The following TMEFF2 variants were observed in gnomAD, a reference collection of about 807,000 sequenced individuals.
TMEFF2 encodes the protein tomoregulin-2.
In TMEFF2, 28 loss-of-function variants were observed where a neutral mutation model predicts 53.8. The ratio of observed to expected loss-of-function variants is 0.52; its 90% CI spans 0.39 to 0.71. The LOEUF is 0.71. Among genes scored for constraint, TMEFF2 ranks in the 30% least tolerant of loss-of-function variants. The pLI is 0.00. For missense variants in TMEFF2, 353 were observed against 455.2 expected, an observed-to-expected ratio of 0.78 and a Z score of 2.04; for synonymous variants, 162 against 166.3, an observed-to-expected ratio of 0.97 and a Z score of 0.20.
chr2:192,144,393 G>A (rs1307053676), intron 4 of TMEFF2, among the ~76,000 whole-genome samples: 1 of 151,936 alleles, frequency 6.6e-6, no homozygotes, highest in East Asian at 1.9e-4. Context: ...TCATCTTCTA[G>A]TCTCATCCAG....
chr2:192,111,818 G>T (rs1169858548), intron 4 of TMEFF2, among the ~76,000 whole-genome samples: 1 of 152,154 alleles, frequency 6.6e-6, no homozygotes, highest in African/African-American at 2.4e-5. Flanking sequence ...GGTGCTCTGT[G>T]TCCCAGCAAC....
intron 4 of TMEFF2, among the ~76,000 whole-genome samples, chr2:192,133,532 C>T (rs1332566049): frequency 6.6e-6 from 1 of 152,202 alleles, no homozygotes; most frequent in Non-Finnish European, 1.5e-5. Context: ...ACCAGACAAG[C>T]CTTACAAGTT....
intron 4 of TMEFF2, among the ~76,000 whole-genome samples, chr2:192,061,508 G>C (rs3891991): frequency 0.44 from 66,381 of 152,056 alleles, 15,531 homozygotes; most frequent in South Asian, 0.58. Flanking sequence ...ATAGGATACA[G>C]CACTTTATAT....
chr2:192,113,552 G>A (rs944369303), intron 4 of TMEFF2, among the ~76,000 whole-genome samples: 2 of 151,994 alleles, frequency 1.3e-5, no homozygotes. Flanking sequence ...GAAATAATGT[G>A]GAATAAACAT....
intron 4 of TMEFF2, among the ~76,000 whole-genome samples, chr2:192,111,168 G>A (rs1373393906): frequency 1.3e-5 from 2 of 152,104 alleles, no homozygotes; most frequent in African/African-American, 4.8e-5. Flanking sequence ...ATGTGAAAGC[G>A]ACTTTGGAAC....
chr2:191,956,201 A>T, intron 8 of TMEFF2, 54 bp downstream of exon 8: 10 of 1,521,028 alleles, frequency 6.6e-6, no homozygotes, highest in Non-Finnish European at 8.8e-6. Context: ...TCTACAATTT[A>T]GTTTCTACAT....
At chr2:192,130,342 A>G (rs1689786400) in intron 4 of TMEFF2, among the ~76,000 whole-genome samples, 1 of 152,064 alleles carries the variant, frequency 6.6e-6, no homozygotes, top group Admixed American at 6.6e-5. Flanking sequence ...CATAATTTTT[A>G]GATGAAAATT....
intron 4 of TMEFF2, among the ~76,000 whole-genome samples, chr2:192,063,976 C>T (rs1224867669): frequency 7.4e-6 from 1 of 135,626 alleles, no homozygotes; most frequent in Non-Finnish European, 1.7e-5. Flanking sequence ...TTTAGTCTAA[C>T]TTATAAAAAA....
chr2:192,061,036 C>T (rs181415897), intron 4 of TMEFF2, among the ~76,000 whole-genome samples: 164 of 152,244 alleles, frequency 1.1e-3, no homozygotes, highest in Non-Finnish European at 1.8e-3. Context: ...TTACTTCTCT[C>T]TCAGATCTCT....
rs550158087 is a variant in TMEFF2 at position 192,167,883 on chromosome 2, T to C, written c.439+11785A>G. 8.5e-5 allele frequency among the ~76,000 whole-genome samples: 13 copies of C among 152,300 alleles called. No homozygotes were observed. The South Asian group carries it at 2.7e-3, about 32-fold the overall frequency. ...AGTAGAAGAGTGGCTTCCGTGTTGA[T>C]GCATGCATCAACTAATTGTATTCCT... is the stretch of plus-strand genomic sequence containing the variant. On this transcript the variant is annotated intron_variant, in intron 4 of 9. Coordinates refer to ENST00000272771, the MANE Select transcript of TMEFF2 (RefSeq NM_016192.4).
intron 7 of TMEFF2, among the ~76,000 whole-genome samples, chr2:191,980,593 A>G (rs538209375): frequency 6.6e-6 from 1 of 152,226 alleles, no homozygotes; most frequent in South Asian, 2.1e-4. Flanking sequence ...ATGGTTACCC[A>G]GGTATTTATT....
At chr2:192,029,092 T>A (rs1687049161) in intron 5 of TMEFF2, 1 of 138,104 alleles carries the variant, frequency 7.2e-6, no homozygotes, top group Non-Finnish European at 1.5e-5. Flanking sequence ...ATTATAAAAA[T>A]AATACTCTGG....
chr2:191,949,425 A>T lies in TMEFF2; in HGVS notation c.*886T>A. ...TGTGATTCTAACTTCTTTTCAAAGA[A>T]CTATATACTATACATATTGTATGGT... is the stretch of plus-strand genomic sequence containing the variant. On this transcript the variant is annotated 3_prime_UTR_variant, in exon 10 of 10. Coordinates refer to ENST00000272771, the MANE Select transcript of TMEFF2 (RefSeq NM_016192.4). 1 of 985,416 alleles carries T rather than the reference A, an allele frequency of 1.0e-6. No homozygotes were observed. The highest frequency in any genetic ancestry group is 1.2e-6 in the Non-Finnish European group (1 of 829,902). 61.0% of individuals were successfully genotyped at this position (985,416 alleles called of 1,614,324 possible).
intron 4 of TMEFF2, among the ~76,000 whole-genome samples, chr2:192,164,759 A>T (rs1690718991): frequency 6.6e-6 from 1 of 151,832 alleles, no homozygotes; most frequent in South Asian, 2.1e-4. Context: ...CACACTCTGA[A>T]ATGTTTTTGC....
At chr2:191,987,166 G>C (rs892790567) in intron 7 of TMEFF2, among the ~76,000 whole-genome samples, 1 of 152,130 alleles carries the variant, frequency 6.6e-6, no homozygotes, top group Non-Finnish European at 1.5e-5. Context: ...CTAGATGCCA[G>C]CAGTACTTAC....
In TMEFF2 at chr2:191,950,030, CTGAG is replaced by C. The variant is rs931300200; in HGVS notation, c.*277_*280del. On this transcript the variant is annotated 3_prime_UTR_variant, in exon 10 of 10. Coordinates refer to ENST00000272771, the MANE Select transcript of TMEFF2 (RefSeq NM_016192.4). ...TAAGAATGCCAATTTTTTCTCATCA[CTGAG>C]TATTTATTATATATAACAAATACAT... The C allele has an allele frequency of 1.9e-5, 22 of 1,134,264 alleles. No homozygotes were observed. In the East Asian group the frequency reaches 8.2e-4, roughly 43 times the overall value. 70.3% of individuals were successfully genotyped at this position (1,134,264 alleles called of 1,614,324 possible).
chr2:192,167,885 C>T (rs537965612), intron 4 of TMEFF2, among the ~76,000 whole-genome samples: 1 of 152,144 alleles, frequency 6.6e-6, no homozygotes, highest in Non-Finnish European at 1.5e-5. Context: ...CGTGTTGATG[C>T]ATGCATCAAC....
intron 4 of TMEFF2, among the ~76,000 whole-genome samples, chr2:192,079,577 T>G (rs1312701361): frequency 6.6e-6 from 1 of 152,220 alleles, no homozygotes; most frequent in Non-Finnish European, 1.5e-5. Context: ...CTTTATTTTT[T>G]GAGTTATTGT....
At chr2:191,963,432 A>G (rs1692327725) in intron 7 of TMEFF2, among the ~76,000 whole-genome samples, 1 of 151,942 alleles carries the variant, frequency 6.6e-6, no homozygotes, top group Non-Finnish European at 1.5e-5. Flanking sequence ...GGTCCCATCT[A>G]CTCTAGTCTT....
Sources: allele counts gnomAD v4.1 joint callset (sites outside exome capture counted in the v4.1 genomes callset), GRCh38; gene constraint gnomAD v4.1.1; transcripts MANE v1.5; gene names NCBI Gene and HGNC (gene_info 2026-07-23, HGNC 2026-07-21).